Variants in SLC2A8 observed in about 807,000 individuals in gnomAD.
The protein encoded by SLC2A8 is solute carrier family 2, facilitated glucose transporter member 8.
SLC2A8 carries 53 observed loss-of-function variants against 49.2 expected under a neutral mutation model. The ratio of observed to expected loss-of-function variants is 1.08; its 90% CI spans 0.86 to 1.35. The LOEUF is 1.35. Ranked by LOEUF, SLC2A8 falls within the 40% of genes most tolerant of loss-of-function variation. The pLI is 0.00. For missense variants in SLC2A8, 688 were observed against 671.7 expected, an observed-to-expected ratio of 1.02 and a Z score of -0.27; for synonymous variants, 299 against 297.0, an observed-to-expected ratio of 1.01 and a Z score of -0.07.
chr9:127,403,568 G>T, intron 5 of SLC2A8, 92 bp from the exon 6 acceptor site: 1 of 1,493,406 alleles, frequency 6.7e-7, no homozygotes, highest in Non-Finnish European at 9.2e-7. Flanking sequence ...GGGAGTCAGC[G>T]CTCCCCAAGC....
At position 127,398,098 on chromosome 9, in the gene SLC2A8, C is replaced by T. The variant is rs867233174; in HGVS notation, c.413C>T (p.Ser138Phe). The change falls in exon 3 of 10, where the codon TCC becomes TTC. Residue 138 changes from serine to phenylalanine, a missense_variant. Coordinates refer to ENST00000373371, the MANE Select transcript of SLC2A8 (RefSeq NM_014580.5). ...LLTGLACGVA[S>F]LVAPVYISEI... ...ACCGGCCTGGCCTGCGGTGTTGCCT[C>T]CCTAGTGGCCCCGGTGAGTGTCCCG... is the stretch of plus-strand genomic sequence containing the variant. 4 of 1,578,158 alleles carry T rather than the reference C, an allele frequency of 2.5e-6. 1 individual carries two copies. Among genetic ancestry groups the T allele is most frequent in the Admixed American group, 1.7e-5 (1 of 57,782 alleles).
chr9:127,403,891 G>A, intron 6 of SLC2A8, 68 bp from the exon 7 acceptor site: 4 of 1,600,728 alleles, frequency 2.5e-6, no homozygotes, highest in Non-Finnish European at 3.4e-6. Context: ...ATCCAGCACA[G>A]GCCTGGAGAG....
chr9:127,401,545 T>C (rs889485478), intron 4 of SLC2A8, among the ~76,000 whole-genome samples: 5 of 152,222 alleles, frequency 3.3e-5, no homozygotes, highest in African/African-American at 1.2e-4. Flanking sequence ...TGTGTGCAGG[T>C]GTTGACATTC....
rs1833168993 is a variant in SLC2A8, at chr9:127,399,152, A to G, written c.427-755A>G. 6.6e-6 allele frequency among the ~76,000 whole-genome samples: 1 copy of G among 152,130 alleles called. No homozygotes were observed. Among genetic ancestry groups the G allele is most frequent in the African/African-American group, 2.4e-5 (1 of 41,402 alleles). On this transcript the variant is annotated intron_variant, in intron 3 of 9. Coordinates refer to ENST00000373371, the MANE Select transcript of SLC2A8 (RefSeq NM_014580.5). The surrounding 1 kb of genome is among the most constrained non-coding windows in gnomAD (Gnocchi z 4.2). ...GCCACTGGTAGTGACCGAGGCAGAGAGTTCGTGCTTCTAGTCCAAGGCCAC... is the reference window on the plus strand; with the variant it reads ...GCCACTGGTAGTGACCGAGGCAGAGGGTTCGTGCTTCTAGTCCAAGGCCAC...
At chr9:127,400,132 G>A (rs1222824129) in intron 4 of SLC2A8, 126 bp downstream of exon 4, 1 of 685,708 alleles carries the variant, frequency 1.5e-6, no homozygotes, top group Non-Finnish European at 2.4e-6. Context: ...CAACATGCCA[G>A]GCTCGCCTTC....
intron 5 of SLC2A8, 131 bp downstream of exon 5, chr9:127,402,884 G>C (rs577529527): frequency 8.6e-7 from 1 of 1,158,058 alleles, no homozygotes; most frequent in Non-Finnish European, 1.2e-6. Flanking sequence ...CACCCTCAGC[G>C]AGGACAGGCC....
rs764384589 is a variant in SLC2A8, at chr9:127,399,302, G to C, written c.427-605G>C. ...AATCTATGATTTATCCAGGGTGTCT[G>C]TGCACATTAAACGAAGGCTTGAGAA... On this transcript the variant is annotated intron_variant, in intron 3 of 9. Transcript: ENST00000373371. This position sits in a 1 kb window ranked among gnomAD's most constrained non-coding sequence, Gnocchi z 4.2. Among the ~76,000 whole-genome samples, 1 of 152,210 alleles carries C rather than the reference G, an allele frequency of 6.6e-6. No individual in the cohort carries two copies. Among genetic ancestry groups the C allele is most frequent in the Admixed American group, 6.5e-5 (1 of 15,282 alleles).
chr9:127,402,804 G>T (rs1369991243), intron 5 of SLC2A8, 51 bp downstream of exon 5: 1 of 1,472,736 alleles, frequency 6.8e-7, no homozygotes, highest in Admixed American at 2.4e-5. Context: ...AGTCACGGGA[G>T]GGTAGCACAG....
At chr9:127,398,401 T>C (rs1833133492) in intron 3 of SLC2A8, 1 of 740,924 alleles carries the variant, frequency 1.3e-6, no homozygotes. Context: ...GAACCCAGGG[T>C]TGTCCCACTT....
Position 127,403,643 on chromosome 9 carries a change from A to G in SLC2A8, c.724-17A>G, listed in dbSNP as rs368390401. 3 of 1,612,458 alleles carry G rather than the reference A, an allele frequency of 1.9e-6. No individual in the cohort carries two copies. The African/African-American group carries it at 4.0e-5, about 22-fold the overall frequency. ...AGGGGAGAGAGAAATCCTGATGGCC[A>G]GTATCCGTCAGAGCAGAGCTTTCAC... On this transcript the variant is annotated splice_polypyrimidine_tract_variant and intron_variant, in intron 5 of 9. Coordinates refer to ENST00000373371, the MANE Select transcript of SLC2A8 (RefSeq NM_014580.5).
intron 5 of SLC2A8, chr9:127,403,285 A>AG: frequency 3.8e-6 from 1 of 261,612 alleles, no homozygotes. Context: ...GTCAGCGAGG[A>AG]GGATGGGTTC....
chr9:127,403,011 T>C (rs990368029), intron 5 of SLC2A8, among the ~76,000 whole-genome samples: 1 of 152,162 alleles, frequency 6.6e-6, no homozygotes, highest in Non-Finnish European at 1.5e-5. Context: ...AGGAAGAGAA[T>C]GGCCAGGCCT....
intron 8 of SLC2A8, 43 bp from the exon 9 acceptor site, chr9:127,405,377 C>T: frequency 6.2e-7 from 1 of 1,601,900 alleles, no homozygotes; most frequent in Non-Finnish European, 8.5e-7. Context: ...GGAGCCCAGC[C>T]CTGCGGACCC....
At chr9:127,401,570 A>ATCATTTC (rs1183955021) in intron 4 of SLC2A8, among the ~76,000 whole-genome samples, 3 of 152,224 alleles carry the variant, frequency 2.0e-5, no homozygotes, top group Admixed American at 1.3e-4. Context: ...TTTCGGGGAC[A>ATCATTTC]GGTACTGGGT....
In SLC2A8 at chr9:127,398,160, G is replaced by A. The variant is rs749183753; in HGVS notation, c.426+49G>A. The A allele has an allele frequency of 6.5e-6, 10 of 1,541,056 alleles. No homozygotes were observed. In the African/African-American group the frequency reaches 9.5e-5, roughly 15 times the overall value. On this transcript the variant is annotated intron_variant, in intron 3 of 9. Coordinates refer to ENST00000373371, the MANE Select transcript of SLC2A8 (RefSeq NM_014580.5). ...TCCTGTCTCGCGGCCTGAGACCGAG[G>A]GGGAGTGGGACAAACCGCTCCCCAG...
rs192215268 is a variant in SLC2A8 at position 127,403,759 on chromosome 9, G to A, written c.823G>A (p.Val275Ile). Residue 275 changes from valine to isoleucine, a missense_variant, in exon 6 of 10, where the codon GTC becomes ATC. Val to Ile is a conservative substitution (Grantham distance 29). Transcript: ENST00000373371. ...AFQQLSGVNA[V>I]MFYAETIFEE... The stretch of plus-strand genomic sequence containing the variant: ...CCAGCAGCTGTCGGGGGTCAACGCC[G>A]TCATGTTCTATGCAGAGACCATCTT... 39 of 1,613,080 alleles carry A rather than the reference G, an allele frequency of 2.4e-5. No homozygotes were observed. The highest frequency in any genetic ancestry group is 1.1e-4 in the East Asian group (5 of 44,880).
At chr9:127,404,755 C>A in intron 7 of SLC2A8, 63 bp from the exon 8 acceptor site, 1 of 1,541,656 alleles carries the variant, frequency 6.5e-7, no homozygotes, top group Admixed American at 1.7e-5. Flanking sequence ...GCATCCAGGC[C>A]ATGCTGCTGC....
chr9:127,398,393 A>G (rs998239420), intron 3 of SLC2A8: 44 of 749,792 alleles, frequency 5.9e-5, no homozygotes, highest in Non-Finnish European at 1.0e-4. Context: ...AGTTGCAGGA[A>G]CCCAGGGTTG....
rs1174152865 is a variant in SLC2A8, at chr9:127,397,204, G to A, written c.-27G>A. On this transcript the variant is annotated 5_prime_UTR_variant, in exon 1 of 10. Transcript: ENST00000373371. The stretch of plus-strand genomic sequence containing the variant: ...GGCCCGTGGCGGTTCAGGCGCCAGA[G>A]CTGGCCGATCGGCGTTGGCCGCCGA... 1.1e-5 allele frequency: 16 copies of A among 1,454,450 alleles called. No homozygotes were observed. Among genetic ancestry groups the A allele is most frequent in the African/African-American group, 3.0e-5 (2 of 67,342 alleles). The allele number at this position is 1,454,450 out of a possible 1,614,324, so 90.1% of individuals were successfully genotyped here. A position where few individuals can be genotyped will look rare whatever the true frequency, so the allele number is the denominator to read the frequency against.
Sources: gnomAD v4.1 joint callset for allele counts (sites outside exome capture counted in the v4.1 genomes callset) on GRCh38, gnomAD v4.1.1 for gene constraint, Gnocchi (gnomAD v3.1) non-coding constraint, MANE v1.5 for transcripts, NCBI Gene and HGNC (gene_info 2026-07-23, HGNC 2026-07-21) for gene names.